SULT2B1: variants seen among roughly 807,000 people sequenced by gnomAD.
SULT2B1 encodes the protein sulfotransferase family 2B member 1.
In SULT2B1, 16 loss-of-function variants were observed where a neutral mutation model predicts 33.2. The ratio of observed to expected loss-of-function variants is 0.48; its 90% confidence interval spans 0.33 to 0.73. The LOEUF is 0.73. Among genes scored for constraint, SULT2B1 ranks in the 30% least tolerant of loss-of-function variants. SULT2B1 has a pLI of 0.02. For synonymous variants in SULT2B1, 186 were observed against 200.5 expected (o/e 0.93, Z 0.61); for missense variants, 500 against 506.0 (o/e 0.99, Z 0.11).
At position 48,592,939 on chromosome 19, in the gene SULT2B1, G is replaced by T. The variant is rs1973663312; in HGVS notation, c.645+123G>T. On this transcript the variant is annotated intron_variant, in intron 5 of 6. Transcript: ENST00000201586. ...CCCCATGCAATGCGCCAGCCCCTGG[G>T]GATACTGCAGGAACAGAACAGAGGC... 3.8e-6 allele frequency: 3 copies of T among 791,654 alleles called. No homozygotes were observed. The Admixed American group carries it at 6.6e-5, about 17-fold the overall frequency. The allele number at this position is 791,654 out of a possible 1,614,324, so 49.0% of individuals were successfully genotyped here.
At chr19:48,577,992 G>A (rs964507310) in intron 2 of SULT2B1, among the ~76,000 whole-genome samples, 1 of 152,128 alleles carries the variant, frequency 6.6e-6, no homozygotes, top group African/African-American at 2.4e-5. Context: ...TGAAGTAGGA[G>A]GATCACTTGA....
chr19:48,598,733 G>A (rs4149456), intron 6 of SULT2B1, among the ~76,000 whole-genome samples: 33,431 of 151,968 alleles, frequency 0.22, 3,773 homozygotes, highest in East Asian at 0.33. Flanking sequence ...AGCATGGAGC[G>A]TTGTGGGGGC....
chr19:48,591,414 T>G, intron 3 of SULT2B1, 195 bp from the exon 4 acceptor site: 1 of 469,272 alleles, frequency 2.1e-6, no homozygotes, highest in Non-Finnish European at 3.6e-6. Flanking sequence ...GAGGTTGCAA[T>G]GAGCTGAGAT....
intron 1 of SULT2B1, among the ~76,000 whole-genome samples, chr19:48,553,604 C>G (rs929499174): frequency 1.3e-5 from 2 of 152,166 alleles, no homozygotes; most frequent in African/African-American, 4.8e-5. Flanking sequence ...TGGGCCACCA[C>G]GCCTGGCCGC....
At chr19:48,586,736 C>T (rs1187592409) in intron 2 of SULT2B1, among the ~76,000 whole-genome samples, 2 of 152,162 alleles carry the variant, frequency 1.3e-5, no homozygotes, top group Admixed American at 1.3e-4. Flanking sequence ...GTTTCTGGCT[C>T]CGAAAATGAG....
At chr19:48,559,815 A>G (rs1973151738) in intron 1 of SULT2B1, among the ~76,000 whole-genome samples, 1 of 152,046 alleles carries the variant, frequency 6.6e-6, no homozygotes, top group Non-Finnish European at 1.5e-5. Context: ...GGACCGTGAC[A>G]CCGCAGGCAA....
In SULT2B1 at chr19:48,587,365, C is replaced by T. The variant is rs1973578004; in HGVS notation, c.351C>T (p.Tyr117=). ...IVGAFSLPDQ[Y]SPRLMSSHLP... is the part of the protein sequence containing the mutation. Reference sequence around the variant, plus strand: ...GTGCCTTCAGCCTCCCGGACCAGTACAGCCCCCGCCTCATGAGCTCCCATC... The same window carrying T: ...GTGCCTTCAGCCTCCCGGACCAGTATAGCCCCCGCCTCATGAGCTCCCATC... The change falls in exon 3 of 7, where the codon TAC becomes TAT. Residue 117 remains tyrosine (Y), a synonymous_variant. Transcript: ENST00000201586. 6.2e-6 allele frequency: 10 copies of T among 1,614,104 alleles called. No individual in the cohort carries two copies. Among genetic ancestry groups the T allele is most frequent in the Non-Finnish European group, 8.5e-6 (10 of 1,180,018 alleles).
At chr19:48,579,573 C>T (rs992664109) in intron 2 of SULT2B1, among the ~76,000 whole-genome samples, 3 of 143,880 alleles carry the variant, frequency 2.1e-5, no homozygotes, top group African/African-American at 7.7e-5. Flanking sequence ...CGAGCCACCG[C>T]GCCCGGCCTT....
intron 1 of SULT2B1, among the ~76,000 whole-genome samples, chr19:48,558,209 G>GCAGGGCGTAGCCAGGATTTGAAC: frequency 6.6e-6 from 1 of 152,202 alleles, no homozygotes; most frequent in Non-Finnish European, 1.5e-5. Context: ...CAGCTGCCAA[G>GCAGGGCGTAGCCAGGATTTGAAC]CAGGGCGTAG....
At chr19:48,591,803 G>T in intron 4 of SULT2B1, 68 bp downstream of exon 4, 3 of 1,478,292 alleles carry the variant, frequency 2.0e-6, no homozygotes, top group Non-Finnish European at 1.8e-6. Flanking sequence ...TGGGCAGAGG[G>T]ACAGAGGAGG....
chr19:48,568,434 G>C (rs1281752691), intron 1 of SULT2B1, among the ~76,000 whole-genome samples: 1 of 152,112 alleles, frequency 6.6e-6, no homozygotes, highest in Admixed American at 6.6e-5. Flanking sequence ...GAAGGAGCTG[G>C]CCTTGAATCC....
intron 2 of SULT2B1, among the ~76,000 whole-genome samples, chr19:48,584,207 GGAA>G (rs374790681): frequency 4.9e-4 from 74 of 152,266 alleles, no homozygotes; most frequent in African/African-American, 1.5e-3. Flanking sequence ...AAAGAAATTG[GGAA>G]GAAGGACTTC....
chr19:48,587,799 G>A (rs1301238787), intron 3 of SULT2B1, among the ~76,000 whole-genome samples: 1 of 148,886 alleles, frequency 6.7e-6, no homozygotes, highest in Admixed American at 6.9e-5. Flanking sequence ...ATGCTGAGGT[G>A]GGAGGATCAC....
Position 48,595,384 on chromosome 19 carries a change from G to A in SULT2B1, c.646-1355G>A, listed in dbSNP as rs545822581. On this transcript the variant is annotated intron_variant, in intron 5 of 6. Coordinates refer to ENST00000201586, the MANE Select transcript of SULT2B1 (RefSeq NM_177973.2). ...TGGACAAGTGTCTCTCCCTCTCTGG[G>A]CCTCTGTTTACCAATTGAGATAATG... Among the ~76,000 whole-genome samples, 8 of 152,266 alleles carry A rather than the reference G, an allele frequency of 5.3e-5. 1 individual carries two copies. Among genetic ancestry groups the A allele is most frequent in the African/African-American group, 1.2e-4 (5 of 41,562 alleles).
chr19:48,583,985 G>A (rs1243862340), intron 2 of SULT2B1, among the ~76,000 whole-genome samples: 2 of 152,038 alleles, frequency 1.3e-5, no homozygotes, highest in Admixed American at 6.6e-5. Context: ...GCTGGCGTGC[G>A]CCTGTAGTCA....
At chr19:48,559,348 T>TTTTTGTTTTGTTTTG (rs10577756) in intron 1 of SULT2B1, among the ~76,000 whole-genome samples, 1 of 148,716 alleles carries the variant, frequency 6.7e-6, no homozygotes, top group Admixed American at 6.7e-5. Flanking sequence ...TTGGTTTTGT[T>TTTTTGTTTTGTTTTG]TTTTGTTTTG....
intron 1 of SULT2B1, among the ~76,000 whole-genome samples, chr19:48,563,841 T>C (rs946362097): frequency 2.0e-5 from 3 of 151,978 alleles, no homozygotes; most frequent in African/African-American, 7.3e-5. Flanking sequence ...GGCACATGCC[T>C]GTAATCCCAG....
chr19:48,587,448 G>C lies in SULT2B1; in HGVS notation c.423+11G>C. 1.2e-6 allele frequency: 2 copies of C among 1,614,118 alleles called. No homozygotes were observed. Among genetic ancestry groups the C allele is most frequent in the Non-Finnish European group, 1.7e-6 (2 of 1,180,010 alleles). On this transcript the variant is annotated intron_variant, in intron 3 of 6. Transcript: ENST00000201586. ...AGCTCCAAGGCCAAGGTTGGGAGGA[G>C]GGGTGTGTGTCAGTTGGGAGGGGCT...
intron 1 of SULT2B1, among the ~76,000 whole-genome samples, chr19:48,561,416 T>C (rs12975397): frequency 0.27 from 40,926 of 150,888 alleles, 6,304 homozygotes; most frequent in East Asian, 0.42. Flanking sequence ...GCAACAAGAG[T>C]GAAACACTGT....
Sources: allele counts gnomAD v4.1 joint callset (sites outside exome capture counted in the v4.1 genomes callset), GRCh38; gene constraint gnomAD v4.1.1; transcripts MANE v1.5; gene names NCBI Gene and HGNC (gene_info 2026-07-23, HGNC 2026-07-21).